Variants in RANBP17 observed in about 807,000 individuals in gnomAD.
The protein encoded by RANBP17 is RAN binding protein 17.
RANBP17 carries 158 observed loss-of-function variants against 141.2 expected under a neutral mutation model. The observed-to-expected ratio is 1.12, with a 90% CI of 0.98 to 1.28. The LOEUF (loss-of-function observed/expected upper bound fraction) is 1.28. RANBP17 is among the 50% of genes most tolerant of loss of function. The pLI is 0.00. For missense variants in RANBP17, 1,438 were observed against 1,290.7 expected, an observed-to-expected ratio of 1.11 and a Z score of -1.75; for synonymous variants, 430 against 450.0, an observed-to-expected ratio of 0.96 and a Z score of 0.56.
intron 14 of RANBP17, among the ~76,000 whole-genome samples, chr5:171,061,569 G>A (rs973657736): frequency 4.0e-4 from 61 of 152,252 alleles, no homozygotes; most frequent in Non-Finnish European, 7.5e-4. Context: ...GCTGAGGAGA[G>A]CTTTACTTCC....
intron 24 of RANBP17, chr5:171,252,440 C>T (rs948562688): frequency 1.3e-6 from 2 of 1,504,136 alleles, no homozygotes; most frequent in African/African-American, 1.4e-5. Flanking sequence ...GAACAAAATA[C>T]ATCAATTACT....
At chr5:171,131,287 C>T (rs1251366307) in intron 14 of RANBP17, among the ~76,000 whole-genome samples, 2 of 152,158 alleles carry the variant, frequency 1.3e-5, no homozygotes, top group African/African-American at 2.4e-5. Flanking sequence ...CTAAGCATTG[C>T]AAGTGGTTCC....
At chr5:171,021,715 A>G (rs1012138002) in intron 14 of RANBP17, among the ~76,000 whole-genome samples, 9 of 152,174 alleles carry the variant, frequency 5.9e-5, no homozygotes, top group Admixed American at 5.9e-4. Flanking sequence ...GAGTTGGAAC[A>G]TGCTCTTTTA....
At chr5:170,985,761 T>C (rs1019918119) in intron 14 of RANBP17, among the ~76,000 whole-genome samples, 2 of 152,154 alleles carry the variant, frequency 1.3e-5, no homozygotes, top group Non-Finnish European at 2.9e-5. Context: ...AAGGATTGCC[T>C]TTCCTAAAGA....
chr5:171,190,964 T>A (rs192937370), intron 18 of RANBP17, among the ~76,000 whole-genome samples: 31 of 152,306 alleles, frequency 2.0e-4, no homozygotes, highest in African/African-American at 7.2e-4. Flanking sequence ...GTGGATAGGA[T>A]TTGAGTGAGC....
At chr5:170,925,569 A>G (rs1196779137) in intron 12 of RANBP17, among the ~76,000 whole-genome samples, 1 of 152,186 alleles carries the variant, frequency 6.6e-6, no homozygotes, top group Non-Finnish European at 1.5e-5. Flanking sequence ...AGTAACCACA[A>G]ACACTATTAC....
chr5:171,053,394 AT>A (rs1783098139), intron 14 of RANBP17, among the ~76,000 whole-genome samples: 1 of 151,620 alleles, frequency 6.6e-6, no homozygotes. Context: ...TCTTGTTTTC[AT>A]TTTTCTGCCC....
intron 12 of RANBP17, among the ~76,000 whole-genome samples, chr5:170,930,848 G>T (rs541918795): frequency 2.6e-4 from 39 of 152,244 alleles, no homozygotes; most frequent in African/African-American, 8.9e-4. Context: ...CTTTGCTATT[G>T]TGAATAGTGC....
rs576555093 is a variant in RANBP17, at chr5:170,983,309, C to T, written c.1710+14932C>T. The stretch of plus-strand genomic sequence containing the variant: ...CTGATAGATTACTTGCTGTCTTGGA[C>T]CAGGTTGAGAGGAATTGAGTTTTAC... On this transcript the variant is annotated intron_variant, in intron 14 of 27. Coordinates refer to ENST00000523189, the MANE Select transcript of RANBP17 (RefSeq NM_022897.5). The T allele has an allele frequency of 5.2e-5, 13 of 251,986 alleles. 1 individual carries two copies. In the South Asian group the frequency reaches 1.1e-3, roughly 22 times the overall value. 15.6% of individuals were successfully genotyped at this position (251,986 alleles called of 1,614,324 possible).
intron 14 of RANBP17, among the ~76,000 whole-genome samples, chr5:171,077,075 C>A (rs1344587112): frequency 6.6e-6 from 1 of 152,188 alleles, no homozygotes; most frequent in Non-Finnish European, 1.5e-5. Context: ...CGCATTGACT[C>A]ACCCCTGTAA....
At chr5:171,290,797 T>C (rs1413929829) in intron 25 of RANBP17, among the ~76,000 whole-genome samples, 1 of 152,208 alleles carries the variant, frequency 6.6e-6, no homozygotes, top group Non-Finnish European at 1.5e-5. Context: ...GGGCCCTTCA[T>C]TGAGCGATGA....
intron 25 of RANBP17, among the ~76,000 whole-genome samples, chr5:171,271,863 A>G (rs1237464978): frequency 1.3e-5 from 2 of 152,246 alleles, no homozygotes; most frequent in Non-Finnish European, 2.9e-5. Flanking sequence ...TGCATATATT[A>G]TGCATATACA....
At chr5:170,871,398 A>G (rs1319489483) in intron 1 of RANBP17, among the ~76,000 whole-genome samples, 1 of 152,030 alleles carries the variant, frequency 6.6e-6, no homozygotes, top group Non-Finnish European at 1.5e-5. Context: ...AAATTTGTTT[A>G]AGGTTCTATG....
At chr5:171,044,281 T>C (rs564587606) in intron 14 of RANBP17, among the ~76,000 whole-genome samples, 4 of 152,012 alleles carry the variant, frequency 2.6e-5, no homozygotes, top group Non-Finnish European at 4.4e-5. Flanking sequence ...TTGTATTGTT[T>C]ATGAGTACAA....
chr5:171,203,464 C>A (rs1301429992), intron 19 of RANBP17, among the ~76,000 whole-genome samples: 6 of 152,204 alleles, frequency 3.9e-5, no homozygotes, highest in Admixed American at 1.3e-4. Context: ...CATAAGAAAT[C>A]TATTTCTTAT....
At chr5:171,154,025 C>A (rs1406984789) in intron 14 of RANBP17, among the ~76,000 whole-genome samples, 1 of 150,010 alleles carries the variant, frequency 6.7e-6, no homozygotes, top group Non-Finnish European at 1.5e-5. Flanking sequence ...AAAACTCCAT[C>A]TCAAAAAAAT....
intron 21 of RANBP17, among the ~76,000 whole-genome samples, chr5:171,216,514 C>G (rs559264021): frequency 6.6e-6 from 1 of 152,286 alleles, no homozygotes; most frequent in East Asian, 1.9e-4. Flanking sequence ...TGGCCATTTT[C>G]ATGATACTGA....
intron 14 of RANBP17, among the ~76,000 whole-genome samples, chr5:171,035,252 G>T (rs900960857): frequency 6.6e-6 from 1 of 152,124 alleles, no homozygotes; most frequent in Non-Finnish European, 1.5e-5. Context: ...TTCTGAGAGA[G>T]AAGCATATTT....
At position 171,284,052 on chromosome 5, in the gene RANBP17, G is replaced by A. The variant is rs374312275; in HGVS notation, c.2944-9831G>A. 3.9e-5 allele frequency among the ~76,000 whole-genome samples: 6 copies of A among 152,306 alleles called. No homozygotes were observed. In the East Asian group the frequency reaches 5.8e-4, roughly 15 times the overall value. On this transcript the variant is annotated intron_variant, in intron 25 of 27. Transcript: ENST00000523189. Reference sequence around the variant, plus strand: ...AAATGTTTGGTGACTGTTTAGTAACGTGGAGTGCTGTTTCCCCGCTCCCTT... The same window carrying A: ...AAATGTTTGGTGACTGTTTAGTAACATGGAGTGCTGTTTCCCCGCTCCCTT...
Sources: allele counts gnomAD v4.1 joint callset (sites outside exome capture counted in the v4.1 genomes callset), GRCh38; gene constraint gnomAD v4.1.1; transcripts MANE v1.5; gene names NCBI Gene and HGNC (gene_info 2026-07-23, HGNC 2026-07-21).